KSR1: variants seen among roughly 807,000 people sequenced by gnomAD.
KSR1 encodes the protein kinase suppressor of ras 1, also known as kinase suppressor of ras.
A neutral mutation model predicts 92.9 loss-of-function variants in KSR1; 35 were observed. That is an observed-to-expected ratio of 0.38 (90% CI 0.29 to 0.50). The LOEUF (loss-of-function observed/expected upper bound fraction) is 0.50, where lower values mean the gene tolerates loss of function less well. Among genes scored for constraint, KSR1 ranks in the 20% least tolerant of loss-of-function variants. KSR1 has a pLI of 0.94. For missense variants in KSR1, 972 were observed against 1,158.5 expected (o/e 0.84, Z 2.34); for synonymous variants, 467 against 472.6 (o/e 0.99, Z 0.15).
intron 10 of KSR1, among the ~76,000 whole-genome samples, chr17:27,600,100 T>TC (rs2073499902): frequency 6.7e-6 from 1 of 149,356 alleles, no homozygotes; most frequent in East Asian, 1.9e-4. Flanking sequence ...CTTTTTTTTT[T>TC]TTTTTTTTTT....
intron 1 of KSR1, among the ~76,000 whole-genome samples, chr17:27,477,956 C>T (rs2068394960): frequency 6.6e-6 from 1 of 151,990 alleles, no homozygotes; most frequent in Non-Finnish European, 1.5e-5. Flanking sequence ...CAAGTGAGGC[C>T]AAGGCAGGCC....
At chr17:27,616,392 T>G (rs1313309721) in intron 18 of KSR1, among the ~76,000 whole-genome samples, 4 of 152,238 alleles carry the variant, frequency 2.6e-5, no homozygotes, top group Admixed American at 2.0e-4. Context: ...ATGTTTCAGT[T>G]CAGAAATTAT....
At chr17:27,560,431 C>G (rs561327371) in intron 2 of KSR1, 1 of 518,958 alleles carries the variant, frequency 1.9e-6, no homozygotes, top group Admixed American at 1.9e-5. Flanking sequence ...CTGGTGGTTC[C>G]TGAACTGAAG....
At chr17:27,490,656 T>C (rs1251133487) in intron 1 of KSR1, among the ~76,000 whole-genome samples, 1 of 152,218 alleles carries the variant, frequency 6.6e-6, no homozygotes, top group Non-Finnish European at 1.5e-5. Flanking sequence ...TAATACATAA[T>C]TGAGTTGTAC....
At chr17:27,498,767 C>T (rs1177027682) in intron 1 of KSR1, among the ~76,000 whole-genome samples, 4 of 152,116 alleles carry the variant, frequency 2.6e-5, no homozygotes, top group Admixed American at 6.6e-5. Context: ...TGGGGTGGGG[C>T]CTGGGCATTG....
intron 5 of KSR1, chr17:27,587,053 A>C (rs1375255699): frequency 3.9e-5 from 6 of 152,054 alleles, no homozygotes. Flanking sequence ...TTGTATTTTT[A>C]ATAGAGACGG....
intron 20 of KSR1, 41 bp downstream of exon 20, chr17:27,621,314 G>A (rs1304831228): frequency 1.5e-5 from 6 of 398,498 alleles, no homozygotes; most frequent in East Asian, 3.6e-5. Flanking sequence ...CCTGTCTCTG[G>A]TTTTCCTGAC....
rs2070614757 is a variant in KSR1, at chr17:27,533,177, A to G, written c.232-17391A>G. 2.6e-5 allele frequency among the ~76,000 whole-genome samples: 4 copies of G among 152,134 alleles called. No homozygotes were observed. In the East Asian group the frequency reaches 7.7e-4, roughly 29 times the overall value. ...TCTTGCTCTGCCACTTACTAGCCGC[A>G]TGACATGGGACTGTTCCTCATCCTC... On this transcript the variant is annotated intron_variant, in intron 1 of 20. Transcript: ENST00000644974.
intron 18 of KSR1, 138 bp from the exon 19 acceptor site, chr17:27,617,157 A>G (rs752842852): frequency 1.9e-4 from 162 of 870,050 alleles, no homozygotes; most frequent in Non-Finnish European, 2.5e-4. Context: ...TCACCCCTTC[A>G]TGTCGGCAGG....
intron 1 of KSR1, among the ~76,000 whole-genome samples, chr17:27,549,234 T>C (rs548262440): frequency 6.6e-6 from 1 of 152,292 alleles, no homozygotes; most frequent in South Asian, 2.1e-4. Context: ...GTGGTACTTA[T>C]TTTGGGGGGA....
rs967823812 is a variant in KSR1 at position 27,601,846 on chromosome 17, G to A, written c.1510+445G>A. 2.1e-6 allele frequency: 3 copies of A among 1,440,102 alleles called. No individual in the cohort carries two copies. The African/African-American group carries it at 4.2e-5, about 20-fold the overall frequency. The allele number at this position is 1,440,102 out of a possible 1,614,324, so 89.2% of individuals were successfully genotyped here. ...AGTAGAAACCCATTTGGGAAGGTCT[G>A]CGGGCTTCTCTTAGTGGGCTTCACC... On this transcript the variant is annotated intron_variant, in intron 11 of 20. Coordinates refer to ENST00000644974, the MANE Select transcript of KSR1 (RefSeq NM_001394583.1).
chr17:27,506,579 C>T (rs777414065), intron 1 of KSR1, among the ~76,000 whole-genome samples: 5 of 152,130 alleles, frequency 3.3e-5, no homozygotes, highest in African/African-American at 4.8e-5. Context: ...AGCAGACTTG[C>T]GGGCCGGCAG....
chr17:27,494,810 CCCTT>C (rs1198401305), intron 1 of KSR1, among the ~76,000 whole-genome samples: 5 of 152,198 alleles, frequency 3.3e-5, no homozygotes, highest in African/African-American at 1.2e-4. Flanking sequence ...TGGGCGGTGT[CCCTT>C]CCAAGTTCTC....
At chr17:27,567,098 T>A (rs1396424147) in intron 2 of KSR1, among the ~76,000 whole-genome samples, 1 of 152,194 alleles carries the variant, frequency 6.6e-6, no homozygotes, top group Non-Finnish European at 1.5e-5. Context: ...ACCAAGCAGT[T>A]GTGCCTAGGC....
At position 27,592,579 on chromosome 17, in the gene KSR1, G is replaced by C. The variant is rs527609611; in HGVS notation, c.1252G>C (p.Ala418Pro). Residue 418 changes from alanine (A) to proline (P), a missense_variant, in exon 9 of 21, where the codon GCA (alanine) becomes CCA (proline). Transcript: ENST00000644974. ...GGACATCAACAACCCGGTGGACAGAGCAGCCGAACCCCATTTTGGAACCCT... is the reference window on the plus strand; with the variant it reads ...GGACATCAACAACCCGGTGGACAGACCAGCCGAACCCCATTTTGGAACCCT... ...PSDINNPVDRAAEPHFGTLPK... is the reference protein window; with the variant it reads ...PSDINNPVDRPAEPHFGTLPK... 56 of 1,613,978 alleles carry C rather than the reference G, an allele frequency of 3.5e-5. No individual in the cohort carries two copies. The African/African-American group carries it at 6.3e-4, about 18-fold the overall frequency.
intron 1 of KSR1, among the ~76,000 whole-genome samples, chr17:27,485,069 C>T (rs1156645308): frequency 6.6e-6 from 1 of 152,204 alleles, no homozygotes; most frequent in East Asian, 1.9e-4. Context: ...AACCTGGCTT[C>T]CTATACCTGG....
intron 2 of KSR1, among the ~76,000 whole-genome samples, chr17:27,556,042 A>C (rs536206417): frequency 6.6e-6 from 1 of 152,280 alleles, no homozygotes; most frequent in Admixed American, 6.5e-5. Flanking sequence ...TTTCCCCTTA[A>C]AGACCTGTAT....
intron 1 of KSR1, among the ~76,000 whole-genome samples, chr17:27,550,350 G>T (rs570513206): frequency 8.5e-5 from 13 of 152,310 alleles, no homozygotes; most frequent in African/African-American, 3.1e-4. Context: ...AGCCGCCCTG[G>T]GTAGGGCAGG....
rs1339890091 is a variant in KSR1, at chr17:27,625,920, TTCTG to T, written c.*2532_*2535del. The T allele has an allele frequency of 2.0e-5, 3 of 152,254 alleles. No homozygotes were observed. Among genetic ancestry groups the T allele is most frequent in the Non-Finnish European group, 2.9e-5 (2 of 68,076 alleles). 9.4% of individuals were successfully genotyped at this position (152,254 alleles called of 1,614,324 possible). ...CCACCAGAGCCGCAGCCCCCTGGGT[TTCTG>T]TCTAACTCGAAGTCTTGAATCCTAG... On this transcript the variant is annotated 3_prime_UTR_variant, in exon 21 of 21. Coordinates refer to ENST00000644974, the MANE Select transcript of KSR1 (RefSeq NM_001394583.1).
Sources: gnomAD v4.1 joint callset for allele counts (sites outside exome capture counted in the v4.1 genomes callset) on GRCh38, gnomAD v4.1.1 for gene constraint, MANE v1.5 for transcripts, NCBI Gene and HGNC (gene_info 2026-07-23, HGNC 2026-07-21) for gene names.